The following SEC61A1 variants were observed in gnomAD, a reference collection of about 807,000 sequenced individuals.
The protein encoded by SEC61A1 is protein transport protein Sec61 subunit alpha isoform 1.
Under a neutral mutation model 55.2 loss-of-function variants are expected in SEC61A1, and 15 were observed. The ratio of observed to expected loss-of-function variants is 0.27; its 90% CI spans 0.18 to 0.42. The LOEUF (loss-of-function observed/expected upper bound fraction) is 0.42, where lower values mean the gene tolerates loss of function less well. SEC61A1 is among the 10% of genes least tolerant of loss of function. SEC61A1 has a pLI of 1.00. For missense variants in SEC61A1, 284 were observed against 602.6 expected (o/e 0.47, Z 5.53); for synonymous variants, 247 against 234.0 (o/e 1.06, Z -0.51).
intron 2 of SEC61A1, among the ~76,000 whole-genome samples, chr3:128,054,560 G>A (rs555124122): frequency 1.7e-4 from 26 of 152,316 alleles, no homozygotes; most frequent in Non-Finnish European, 3.2e-4. Context: ...TGTATAGTTA[G>A]AGGACTGTGA....
intron 7 of SEC61A1, among the ~76,000 whole-genome samples, chr3:128,062,558 G>A (rs1941866560): frequency 2.0e-5 from 3 of 152,228 alleles, no homozygotes; most frequent in South Asian, 2.1e-4. Flanking sequence ...GGTGAGATGA[G>A]GACATGATGG....
intron 7 of SEC61A1, among the ~76,000 whole-genome samples, chr3:128,063,694 C>T (rs1941886937): frequency 6.6e-6 from 1 of 152,186 alleles, no homozygotes; most frequent in African/African-American, 2.4e-5. Flanking sequence ...CCACACTGCC[C>T]ACAGAGACCC....
upstream of SEC61A1, chr3:128,052,422 C>T: frequency 2.4e-6 from 3 of 1,251,614 alleles, no homozygotes; most frequent in Admixed American, 4.3e-5. Context: ...CGCCGCTTGC[C>T]GCCGGGCTAG....
chr3:128,058,666 G>C (rs1941810422), intron 5 of SEC61A1, among the ~76,000 whole-genome samples: 2 of 152,132 alleles, frequency 1.3e-5, no homozygotes, highest in South Asian at 4.1e-4. Flanking sequence ...TTCGTGACTA[G>C]CCTGGGTAAC....
chr3:128,066,882 G>A (rs1941997926), intron 8 of SEC61A1, 72 bp from the exon 9 acceptor site: 5 of 1,483,516 alleles, frequency 3.4e-6, no homozygotes, highest in Non-Finnish European at 4.7e-6. Context: ...ACAGTCCCCG[G>A]CCGGGCTGTG....
chr3:128,052,426 G>A (rs1941698921), upstream of SEC61A1: 1 of 1,256,728 alleles, frequency 8.0e-7, no homozygotes, highest in Non-Finnish European at 1.0e-6. Flanking sequence ...GCTTGCCGCC[G>A]GGCTAGCACT....
chr3:128,067,366 G>C lies in SEC61A1; in HGVS notation c.976-55G>C. ...ATCTGCTCAGAACTATTTTTGCCTTGATGCTAAAGTAAAATGAAGGAGCAC... is the reference window on the plus strand; with the variant it reads ...ATCTGCTCAGAACTATTTTTGCCTTCATGCTAAAGTAAAATGAAGGAGCAC... On this transcript the variant is annotated intron_variant, in intron 9 of 11. Coordinates refer to ENST00000243253, the MANE Select transcript of SEC61A1 (RefSeq NM_013336.4). This position sits in a 1 kb window ranked among gnomAD's most constrained non-coding sequence, Gnocchi z 4.1. 1 of 1,548,642 alleles carries C rather than the reference G, an allele frequency of 6.5e-7. No homozygotes were observed. Among genetic ancestry groups the C allele is most frequent in the African/African-American group, 1.4e-5 (1 of 72,654 alleles).
intron 7 of SEC61A1, among the ~76,000 whole-genome samples, chr3:128,064,087 G>C (rs1941894413): frequency 6.6e-6 from 1 of 152,130 alleles, no homozygotes; most frequent in South Asian, 2.1e-4. Context: ...TGTATCCTTG[G>C]TGTGAGAAGC....
intron 11 of SEC61A1, among the ~76,000 whole-genome samples, chr3:128,069,122 T>C (rs1435513070): frequency 6.6e-6 from 1 of 152,210 alleles, no homozygotes; most frequent in Non-Finnish European, 1.5e-5. Context: ...ACAGGTGAAA[T>C]TAAATTTAAT....
Position 128,069,799 on chromosome 3 carries a change from A to G in SEC61A1, c.*137A>G. 2 of 787,256 alleles carry G rather than the reference A, an allele frequency of 2.5e-6. No individual in the cohort carries two copies. The highest frequency in any genetic ancestry group is 5.6e-5 in the Admixed American group (2 of 35,634). The allele number at this position is 787,256 out of a possible 1,614,324, so 48.8% of individuals were successfully genotyped here. ...TTCGTATTCTTTCATTCCACTGTGT[A>G]AAGTGCTAGACATTTTCCAATTTAA... On this transcript the variant is annotated 3_prime_UTR_variant, in exon 12 of 12. Transcript: ENST00000243253.
At chr3:128,060,273 T>G in intron 6 of SEC61A1, 62 bp downstream of exon 6, 2 of 1,274,460 alleles carry the variant, frequency 1.6e-6, no homozygotes, top group South Asian at 2.4e-5. Context: ...AATTCTCACA[T>G]AACGAATCTC....
At chr3:128,051,965 G>A (rs1576417472), upstream of SEC61A1, 3 of 1,363,222 alleles carry the variant, frequency 2.2e-6, no homozygotes, top group East Asian at 5.0e-5. Context: ...GACCTACTAG[G>A]TGACGGGCGC....
At chr3:128,064,288 C>G (rs1941897485) in intron 7 of SEC61A1, among the ~76,000 whole-genome samples, 1 of 150,380 alleles carries the variant, frequency 6.6e-6, no homozygotes, top group African/African-American at 2.5e-5. Context: ...TATCATCGTT[C>G]CACACCTCTG....
At position 128,067,884 on chromosome 3, in the gene SEC61A1, G is replaced by A. The variant is rs1942032651; in HGVS notation, c.1168-99G>A. ...AAAGTTCTCTGTATGAATATTGTCA[G>A]TGCTCGAAGAGGCGATCTGTAACTG... is the stretch of plus-strand genomic sequence containing the variant. On this transcript the variant is annotated intron_variant, in intron 10 of 11. Coordinates refer to ENST00000243253, the MANE Select transcript of SEC61A1 (RefSeq NM_013336.4). The surrounding 1 kb of genome is among the most constrained non-coding windows in gnomAD (Gnocchi z 4.1). The A allele has an allele frequency of 5.4e-6, 5 of 932,386 alleles. No individual in the cohort carries two copies. Among genetic ancestry groups the A allele is most frequent in the Non-Finnish European group, 7.0e-6 (4 of 573,690 alleles). The allele number at this position is 932,386 out of a possible 1,614,324, so 57.8% of individuals were successfully genotyped here. A position where few individuals can be genotyped will look rare whatever the true frequency, so the allele number is the denominator to read the frequency against.
chr3:128,066,701 G>C, intron 8 of SEC61A1: 1 of 530,176 alleles, frequency 1.9e-6, no homozygotes, highest in Non-Finnish European at 3.3e-6. Flanking sequence ...TGGGATTACA[G>C]GTGTAAGTCA....
At position 128,070,946 on chromosome 3, in the gene SEC61A1, G is replaced by C. The variant is rs1305039320; in HGVS notation, c.*1284G>C. The C allele has an allele frequency of 1.3e-5, 2 of 152,304 alleles. No individual in the cohort carries two copies. Among genetic ancestry groups the C allele is most frequent in the Non-Finnish European group, 2.9e-5 (2 of 68,110 alleles). 9.4% of individuals were successfully genotyped at this position (152,304 alleles called of 1,614,324 possible). On this transcript the variant is annotated 3_prime_UTR_variant, in exon 12 of 12. Coordinates refer to ENST00000243253, the MANE Select transcript of SEC61A1 (RefSeq NM_013336.4). ...GGTGCTAAGATCCTGAGGAGCTCGA[G>C]GTTTCGAGCTGGCTTTAGACATTGG...
Position 128,070,238 on chromosome 3 carries a change from TC to T in SEC61A1, c.*578del, listed in dbSNP as rs1559800611. 1 of 152,340 alleles carries T rather than the reference TC, an allele frequency of 6.6e-6. No individual in the cohort carries two copies. The highest frequency in any genetic ancestry group is 1.5e-5 in the Non-Finnish European group (1 of 68,116). 9.4% of individuals were successfully genotyped at this position (152,340 alleles called of 1,614,324 possible). A position where few individuals can be genotyped will look rare whatever the true frequency, so the allele number is the denominator to read the frequency against. On this transcript the variant is annotated 3_prime_UTR_variant, in exon 12 of 12. Transcript: ENST00000243253. ...TGATTTTTTTAAGGACAGAACTTCT[TC>T]CAAAAGAGAGGGATGGCTTTCCCAG...
chr3:128,052,315 C>CA (rs1217039883), upstream of SEC61A1: 64 of 363,068 alleles, frequency 1.8e-4, no homozygotes, highest in Non-Finnish European at 2.1e-4. Context: ...CTCGGCGAAG[C>CA]GGCGCGGCGC....
chr3:128,055,645 G>A (rs1367867995), intron 3 of SEC61A1, 28 bp from the exon 4 acceptor site: 1 of 1,608,736 alleles, frequency 6.2e-7, no homozygotes, highest in Non-Finnish European at 8.5e-7. Flanking sequence ...CAGGAGTGCT[G>A]ACTGTTTTGC....
Sources: allele counts gnomAD v4.1 joint callset (sites outside exome capture counted in the v4.1 genomes callset), GRCh38; gene constraint gnomAD v4.1.1; non-coding constraint Gnocchi (gnomAD v3.1); transcripts MANE v1.5; gene names NCBI Gene and HGNC (gene_info 2026-07-23, HGNC 2026-07-21).